Variants in AGAP3 observed in about 807,000 individuals in gnomAD.
AGAP3 encodes the protein ArfGAP with GTPase domain, ankyrin repeat and PH domain 3.
AGAP3 carries 24 observed loss-of-function variants against 96.9 expected under a neutral mutation model. The ratio of observed to expected loss-of-function variants is 0.25; its 90% CI spans 0.18 to 0.35. The LOEUF (loss-of-function observed/expected upper bound fraction) is 0.35, where lower values mean the gene tolerates loss of function less well. Ranked by LOEUF, AGAP3 falls within the 10% of genes least tolerant of loss-of-function variation. The pLI, the probability that AGAP3 is intolerant of heterozygous loss-of-function variation, is 1.00. For synonymous variants in AGAP3, 563 were observed against 536.1 expected, an observed-to-expected ratio of 1.05 and a Z score of -0.69; for missense variants, 876 against 1,254.2, an observed-to-expected ratio of 0.70 and a Z score of 4.55.
chr7:151,141,795 C>A lies in AGAP3; in HGVS notation c.1805-103C>A. 1 of 1,482,854 alleles carries A rather than the reference C, an allele frequency of 6.7e-7. No homozygotes were observed. Among genetic ancestry groups the A allele is most frequent in the African/African-American group, 1.4e-5 (1 of 72,274 alleles). 91.9% of individuals were successfully genotyped at this position (1,482,854 alleles called of 1,614,324 possible). ...AGCTGGGGAAGGGTCTAGGGGAGGA[C>A]ACTTGCCAGTGGAGCAGGGTAGTGA... is the stretch of plus-strand genomic sequence containing the variant. On this transcript the variant is annotated intron_variant, in intron 13 of 17. Transcript: ENST00000397238. The surrounding 1 kb of genome is among the most constrained non-coding windows in gnomAD (Gnocchi z 4.2).
rs1486586828 is a variant in AGAP3 at position 151,120,137 on chromosome 7, A to G, written c.1120A>G (p.Ile374Val). 1.1e-5 allele frequency: 18 copies of G among 1,608,834 alleles called. No individual in the cohort carries two copies. The highest frequency in any genetic ancestry group is 1.5e-5 in the Non-Finnish European group (18 of 1,177,218). ...AAAGCAGTCCAAGCGGCGCTCCAAC[A>G]TCTTCACGGTACGTGACTGCCCTCC... ...IRKQSKRRSNIFTSRKGADLD... is the reference protein window; with the variant it reads ...IRKQSKRRSNVFTSRKGADLD... Residue 374 changes from isoleucine (I) to valine (V), a missense_variant, in exon 8 of 18, where the codon ATC becomes GTC. By Grantham distance (29) the Ile-to-Val change is conservative (BLOSUM62 3). Coordinates refer to ENST00000397238, the MANE Select transcript of AGAP3 (RefSeq NM_031946.7).
intron 1 of AGAP3, chr7:151,115,603 G>A: frequency 8.6e-7 from 1 of 1,166,760 alleles, no homozygotes; most frequent in Non-Finnish European, 1.1e-6. Flanking sequence ...TGGGGCCGTC[G>A]GGCGGCTGCG....
chr7:151,120,253 G>C, intron 8 of AGAP3, 108 bp downstream of exon 8: 1 of 1,174,054 alleles, frequency 8.5e-7, no homozygotes, highest in Non-Finnish European at 1.2e-6. Flanking sequence ...TCAGGAAGAC[G>C]GTACCTGCAG....
At chr7:151,105,966 G>A (rs1026856018) in intron 1 of AGAP3, among the ~76,000 whole-genome samples, 2 of 149,372 alleles carry the variant, frequency 1.3e-5, no homozygotes, top group African/African-American at 4.9e-5. Context: ...CTCTTAAAAT[G>A]ACAGGAAAAC....
Position 151,142,086 on chromosome 7 carries a change from C to T in AGAP3, c.1959+34C>T, listed in dbSNP as rs1285809921. The T allele has an allele frequency of 6.2e-7, 1 of 1,607,786 alleles. No homozygotes were observed. The highest frequency in any genetic ancestry group is 8.5e-7 in the Non-Finnish European group (1 of 1,175,504). ...AGAGTGACTGGGCCCACACAGAGCA[C>T]CTGGCTGGGGTGGGACTGAAAGGGG... On this transcript the variant is annotated intron_variant, in intron 14 of 17. Coordinates refer to ENST00000397238, the MANE Select transcript of AGAP3 (RefSeq NM_031946.7). This position sits in a 1 kb window ranked among gnomAD's most constrained non-coding sequence, Gnocchi z 7.5.
chr7:151,102,507 C>G (rs1167761679), intron 1 of AGAP3, among the ~76,000 whole-genome samples: 1 of 151,780 alleles, frequency 6.6e-6, no homozygotes, highest in East Asian at 1.9e-4. Context: ...CGCAAGTAAT[C>G]CCAGCACTTT....
chr7:151,090,110 C>A (rs1394810874), intron 1 of AGAP3: 1 of 152,254 alleles, frequency 6.6e-6, no homozygotes, highest in African/African-American at 2.4e-5. Flanking sequence ...TAGCCAGGAG[C>A]CCCAAAGGAG....
At chr7:151,131,658 C>T (rs1423223130) in intron 10 of AGAP3, among the ~76,000 whole-genome samples, 1 of 152,232 alleles carries the variant, frequency 6.6e-6, no homozygotes, top group Non-Finnish European at 1.5e-5. Flanking sequence ...TGGGTGCCGG[C>T]CTGCCCTGGG....
In AGAP3 at chr7:151,118,425, C is replaced by T; in HGVS notation, c.842-80C>T. 1 of 1,599,152 alleles carries T rather than the reference C, an allele frequency of 6.3e-7. No homozygotes were observed. Among genetic ancestry groups the T allele is most frequent in the South Asian group, 1.1e-5 (1 of 89,970 alleles). ...AGGAAGGCTCCCAGTGAGAGCAAGGCTGTGTGTCTGGGGGGAGGTGCTAAG... is the reference window on the plus strand; with the variant it reads ...AGGAAGGCTCCCAGTGAGAGCAAGGTTGTGTGTCTGGGGGGAGGTGCTAAG... On this transcript the variant is annotated intron_variant, in intron 6 of 17. Transcript: ENST00000397238. The surrounding 1 kb of genome is among the most constrained non-coding windows in gnomAD (Gnocchi z 6.1).
rs201953499 is a variant in AGAP3 at position 151,140,087 on chromosome 7, G to T, written c.1775G>T (p.Arg592Leu). ...HRRKKSTGTP[R>L]PDGPSSATEE... Reference sequence around the variant, plus strand: ...AGGAAAAAGAGCACCGGGACCCCCCGACCAGACGGCCCCAGCAGTGCTACT... The same window carrying T: ...AGGAAAAAGAGCACCGGGACCCCCCTACCAGACGGCCCCAGCAGTGCTACT... The change falls in exon 13 of 18, where the codon CGA becomes CTA. Residue 592 changes from arginine (R) to leucine (L), a missense_variant. This residue lies in a region of AGAP3 where 155 missense variants were observed against 144.4 expected (regional missense o/e 1.07). Transcript: ENST00000397238. The surrounding 1 kb of genome is among the most constrained non-coding windows in gnomAD (Gnocchi z 5.4). The T allele has an allele frequency of 1.9e-6, 3 of 1,603,634 alleles. No individual in the cohort carries two copies. In the Admixed American group the frequency reaches 5.1e-5, roughly 27 times the overall value.
In AGAP3 at chr7:151,115,316, C is replaced by T. The variant is rs1302908662; in HGVS notation, c.332-1477C>T. The T allele has an allele frequency of 1.9e-5, 19 of 1,009,214 alleles. No individual in the cohort carries two copies. The Admixed American group carries it at 6.6e-4, about 35-fold the overall frequency. The allele number at this position is 1,009,214 out of a possible 1,614,324, so 62.5% of individuals were successfully genotyped here. On this transcript the variant is annotated intron_variant, in intron 1 of 17. Coordinates refer to ENST00000397238, the MANE Select transcript of AGAP3 (RefSeq NM_031946.7). Reference sequence around the variant, plus strand: ...GCGGGCCGGAGGGGCCCCGGCGCGGCCTGGCGGCGCTCAGGAAGAGCTTCA... The same window carrying T: ...GCGGGCCGGAGGGGCCCCGGCGCGGTCTGGCGGCGCTCAGGAAGAGCTTCA...
At chr7:151,131,064 C>G (rs1466897913) in intron 10 of AGAP3, 5 of 152,332 alleles carry the variant, frequency 3.3e-5, no homozygotes, top group African/African-American at 1.2e-4. Flanking sequence ...CCTGGCTCTC[C>G]TCTCCAGCAA....
chr7:151,125,538 C>G (rs563742413), intron 9 of AGAP3, among the ~76,000 whole-genome samples: 365 of 152,344 alleles, frequency 2.4e-3, no homozygotes, highest in Non-Finnish European at 3.6e-3. Context: ...AGGCCTGTGC[C>G]TGATGCAGTG....
rs1008259631 is a variant in AGAP3, at chr7:151,144,243, C to T, written c.*300C>T. 3.4e-5 allele frequency: 14 copies of T among 407,082 alleles called. No homozygotes were observed. The highest frequency in any genetic ancestry group is 2.4e-4 in the African/African-American group (12 of 49,832). The allele number at this position is 407,082 out of a possible 1,614,324, so 25.2% of individuals were successfully genotyped here. On this transcript the variant is annotated 3_prime_UTR_variant, in exon 18 of 18. Transcript: ENST00000397238. ...CTCTCCCTCCTCCAGATCCCTGCCTCCTAGTGCCAGCCCCTCACACGCCTT... is the reference window on the plus strand; with the variant it reads ...CTCTCCCTCCTCCAGATCCCTGCCTTCTAGTGCCAGCCCCTCACACGCCTT...
intron 1 of AGAP3, among the ~76,000 whole-genome samples, chr7:151,092,536 G>A (rs570236557): frequency 1.4e-4 from 21 of 152,308 alleles, no homozygotes; most frequent in Non-Finnish European, 2.5e-4. Context: ...CTTTGAGGGC[G>A]CAGAGATTGG....
intron 10 of AGAP3, among the ~76,000 whole-genome samples, chr7:151,131,769 C>G (rs1263393982): frequency 6.6e-6 from 1 of 152,224 alleles, no homozygotes; most frequent in East Asian, 1.9e-4. Context: ...AGAGTCCCCC[C>G]TGCAACTCTT....
chr7:151,104,760 G>T (rs1798974615), intron 1 of AGAP3, among the ~76,000 whole-genome samples: 1 of 152,240 alleles, frequency 6.6e-6, no homozygotes. Flanking sequence ...ACATGCCTCG[G>T]GAAGAACACA....
intron 1 of AGAP3, among the ~76,000 whole-genome samples, chr7:151,099,292 G>A (rs990641101): frequency 3.4e-5 from 5 of 148,840 alleles, no homozygotes; most frequent in South Asian, 2.1e-4. Context: ...GCAGTGAGCC[G>A]AGATCACGCC....
chr7:151,115,682 T>C lies in AGAP3; in HGVS notation c.332-1111T>C, dbSNP rs1799540166. 3 of 1,110,674 alleles carry C rather than the reference T, an allele frequency of 2.7e-6. No individual in the cohort carries two copies. In the African/African-American group the frequency reaches 5.0e-5, roughly 18 times the overall value. 68.8% of individuals were successfully genotyped at this position (1,110,674 alleles called of 1,614,324 possible). A position where few individuals can be genotyped will look rare whatever the true frequency, so the allele number is the denominator to read the frequency against. On this transcript the variant is annotated intron_variant, in intron 1 of 17. Coordinates refer to ENST00000397238, the MANE Select transcript of AGAP3 (RefSeq NM_031946.7). ...TGGGGGGCGTCTGGCAGAAAACAGC[T>C]CGCGGGAGAAAAGCCGGACGCGCCC...
Sources: gnomAD v4.1 joint callset for allele counts (sites outside exome capture counted in the v4.1 genomes callset) on GRCh38, gnomAD v4.1.1 for gene constraint, gnomAD v4.1.1 regional missense constraint, Gnocchi (gnomAD v3.1) non-coding constraint, MANE v1.5 for transcripts, NCBI Gene and HGNC (gene_info 2026-07-23, HGNC 2026-07-21) for gene names.